EIPR1: variants seen among roughly 807,000 people sequenced by gnomAD.
EIPR1 encodes EARP complex and GARP complex interacting protein 1.
In EIPR1, 25 loss-of-function variants were observed where a neutral mutation model predicts 48.1. That is an observed-to-expected ratio of 0.52 (90% CI 0.38 to 0.73). The LOEUF is 0.73. EIPR1 is among the 30% of genes least tolerant of loss of function. EIPR1 has a pLI of 0.00. For missense variants in EIPR1, 415 were observed against 506.2 expected, an observed-to-expected ratio of 0.82 and a Z score of 1.73; for synonymous variants, 204 against 201.9, an observed-to-expected ratio of 1.01 and a Z score of -0.09.
intron 5 of EIPR1, among the ~76,000 whole-genome samples, chr2:3,200,387 G>A (rs150304480): frequency 3.9e-5 from 6 of 152,182 alleles, no homozygotes; most frequent in East Asian, 1.9e-4. Context: ...TTTGTTTTAC[G>A]ATATCCCTGG....
chr2:3,314,474 C>G (rs1669224016), intron 3 of EIPR1, among the ~76,000 whole-genome samples: 1 of 152,090 alleles, frequency 6.6e-6, no homozygotes, highest in African/African-American at 2.4e-5. Context: ...TGAAATTTCA[C>G]CAGTATGTTG....
At chr2:3,211,057 C>G (rs981193374) in intron 5 of EIPR1, among the ~76,000 whole-genome samples, 3 of 152,174 alleles carry the variant, frequency 2.0e-5, no homozygotes, top group African/African-American at 7.2e-5. Flanking sequence ...ATCTGTACAC[C>G]AAACCCCTGT....
In EIPR1 at chr2:3,225,144, T is replaced by C. The variant is rs1004671842; in HGVS notation, c.417-10896A>G. 1.8e-4 allele frequency among the ~76,000 whole-genome samples: 27 copies of C among 152,206 alleles called. 1 individual carries two copies. The highest frequency in any genetic ancestry group is 2.6e-4 in the Non-Finnish European group (18 of 68,042). ...GAAAATACTGCTTCAGATCATACTG[T>C]TGGCTTTTTCCCCCCCAGATTTATT... is the stretch of plus-strand genomic sequence containing the variant. On this transcript the variant is annotated intron_variant, in intron 4 of 8. Coordinates refer to ENST00000382125, the MANE Select transcript of EIPR1 (RefSeq NM_003310.5).
chr2:3,249,278 G>C (rs1345975514), intron 4 of EIPR1, among the ~76,000 whole-genome samples: 1 of 152,250 alleles, frequency 6.6e-6, no homozygotes, highest in African/African-American at 2.4e-5. Flanking sequence ...TTTGAAACTG[G>C]AGCAAAGGTC....
intron 4 of EIPR1, among the ~76,000 whole-genome samples, chr2:3,241,748 C>G (rs1211567658): frequency 6.6e-6 from 1 of 152,150 alleles, no homozygotes; most frequent in Non-Finnish European, 1.5e-5. Context: ...TCAATAAGCC[C>G]AGATAAACTG....
At chr2:3,297,668 A>G (rs1010199405) in intron 3 of EIPR1, among the ~76,000 whole-genome samples, 1 of 152,244 alleles carries the variant, frequency 6.6e-6, no homozygotes, top group Admixed American at 6.5e-5. Flanking sequence ...GTTACTCTGT[A>G]GAGCAAAATC....
At position 3,377,771 on chromosome 2, in the gene EIPR1, G is replaced by T; in HGVS notation, c.-82C>A. On this transcript the variant is annotated 5_prime_UTR_variant, in exon 1 of 9. Transcript: ENST00000382125. Reference sequence around the variant, plus strand: ...CGGCGCGTCCCCACCTCGCGGGCGTGTTCCCAGCGCCCATTCATTCCCTCC... The same window carrying T: ...CGGCGCGTCCCCACCTCGCGGGCGTTTTCCCAGCGCCCATTCATTCCCTCC... 1.3e-6 allele frequency: 2 copies of T among 1,501,022 alleles called. No individual in the cohort carries two copies. Among genetic ancestry groups the T allele is most frequent in the Non-Finnish European group, 1.8e-6 (2 of 1,106,412 alleles). 93.0% of individuals were successfully genotyped at this position (1,501,022 alleles called of 1,614,324 possible). A position where few individuals can be genotyped will look rare whatever the true frequency, so the allele number is the denominator to read the frequency against.
chr2:3,287,888 G>GCATGCTCCAGAAAGCTCATTCA (rs1553295138), intron 3 of EIPR1, among the ~76,000 whole-genome samples: 4 of 89,118 alleles, frequency 4.5e-5, no homozygotes, highest in Admixed American at 2.1e-4. Flanking sequence ...AAGCTCATTC[G>GCATGCTCCAGAAAGCTCATTCA]GCATGCTGTA....
At chr2:3,306,824 A>G (rs1208448728) in intron 3 of EIPR1, among the ~76,000 whole-genome samples, 5 of 151,258 alleles carry the variant, frequency 3.3e-5, no homozygotes, top group African/African-American at 9.7e-5. Flanking sequence ...GCGTAAGTGG[A>G]CCCCCCCAGT....
intron 3 of EIPR1, among the ~76,000 whole-genome samples, chr2:3,265,216 C>T (rs1489070921): frequency 1.1e-5 from 1 of 91,350 alleles, no homozygotes; most frequent in Non-Finnish European, 2.2e-5. Flanking sequence ...GGAGGTGTCT[C>T]TGGCATCGTC....
intron 4 of EIPR1, among the ~76,000 whole-genome samples, chr2:3,227,609 A>C (rs1437222981): frequency 6.6e-6 from 1 of 152,266 alleles, no homozygotes; most frequent in African/African-American, 2.4e-5. Context: ...TCGAATGTTA[A>C]TCACCAACAC....
intron 3 of EIPR1, among the ~76,000 whole-genome samples, chr2:3,264,123 C>T (rs1006252470): frequency 5.9e-5 from 9 of 152,176 alleles, no homozygotes; most frequent in African/African-American, 9.7e-5. Flanking sequence ...ACTTTGTATC[C>T]TTTCACCAAC....
At chr2:3,298,033 C>A (rs1370272288) in intron 3 of EIPR1, among the ~76,000 whole-genome samples, 2 of 152,204 alleles carry the variant, frequency 1.3e-5, no homozygotes, top group Non-Finnish European at 2.9e-5. Flanking sequence ...CACTTTTGAG[C>A]CTATGGGTCA....
At chr2:3,338,935 A>G (rs964953307) in intron 2 of EIPR1, among the ~76,000 whole-genome samples, 1 of 152,226 alleles carries the variant, frequency 6.6e-6, no homozygotes, top group Admixed American at 6.5e-5. Flanking sequence ...ATGGGTCTAC[A>G]CAAAAGATTT....
At chr2:3,205,909 G>T (rs568049252) in intron 5 of EIPR1, among the ~76,000 whole-genome samples, 66 of 152,318 alleles carry the variant, frequency 4.3e-4, no homozygotes, top group African/African-American at 1.5e-3. Flanking sequence ...CCTAGCACGT[G>T]GCAGGCATCT....
At chr2:3,210,719 T>C (rs1316451480) in intron 5 of EIPR1, among the ~76,000 whole-genome samples, 1 of 143,644 alleles carries the variant, frequency 7.0e-6, no homozygotes, top group Non-Finnish European at 1.5e-5. Flanking sequence ...AACCTCCACC[T>C]CCCAGGTTCA....
chr2:3,341,644 G>A (rs2103356930), intron 2 of EIPR1, among the ~76,000 whole-genome samples: 1 of 151,662 alleles, frequency 6.6e-6, no homozygotes, highest in South Asian at 2.1e-4. Flanking sequence ...GTACATGGGT[G>A]TGAATGTGCA....
At chr2:3,215,689 C>T (rs565295948) in intron 4 of EIPR1, among the ~76,000 whole-genome samples, 10 of 152,322 alleles carry the variant, frequency 6.6e-5, no homozygotes, top group Non-Finnish European at 1.2e-4. Context: ...AGGTACTACA[C>T]TATTTCTTTT....
At chr2:3,376,690 C>T (rs972888086) in intron 1 of EIPR1, among the ~76,000 whole-genome samples, 1 of 125,032 alleles carries the variant, frequency 8.0e-6, no homozygotes, top group Non-Finnish European at 1.7e-5. Context: ...GACTCCATCT[C>T]AAAAAAAAAA....
Sources: gnomAD v4.1 joint callset for allele counts (sites outside exome capture counted in the v4.1 genomes callset) on GRCh38, gnomAD v4.1.1 for gene constraint, MANE v1.5 for transcripts, NCBI Gene and HGNC (gene_info 2026-07-23, HGNC 2026-07-21) for gene names.